The following TCF4 variants were observed in gnomAD, a reference collection of about 807,000 sequenced individuals.
The protein encoded by TCF4 is transcription factor 4, also known as SL3-3 enhancer factor 2.
A neutral mutation model predicts 82.1 loss-of-function variants in TCF4; 3 were observed. That is an observed-to-expected ratio of 0.04 (90% CI 0.02 to 0.09). The LOEUF (loss-of-function observed/expected upper bound fraction) is 0.09, where lower values mean the gene tolerates loss of function less well. Ranked by LOEUF, TCF4 falls within the 10% of genes least tolerant of loss-of-function variation. The probability of loss-of-function intolerance (pLI) is 1.00; values close to 1 mark genes in which losing one functional copy is unlikely to be tolerated. For synonymous variants in TCF4, 276 were observed against 309.6 expected (o/e 0.89, Z 1.14); for missense variants, 518 against 852.7 (o/e 0.61, Z 4.89).
chr18:55,614,643 A>G (rs545591545), intron 2 of TCF4, among the ~76,000 whole-genome samples: 3 of 152,272 alleles, frequency 2.0e-5, no homozygotes, highest in South Asian at 2.1e-4. Context: ...AGTACTGTAT[A>G]TATTCTGGAC....
chr18:55,596,095 T>C (rs2097690659), intron 2 of TCF4: 1 of 438,524 alleles, frequency 2.3e-6, no homozygotes, highest in Non-Finnish European at 4.6e-6. Context: ...TAGCCTCGAG[T>C]GATGACTCAC....
chr18:55,292,613 TTAAAG>T (rs1348141080), intron 8 of TCF4, among the ~76,000 whole-genome samples: 1 of 152,150 alleles, frequency 6.6e-6, no homozygotes, highest in African/African-American at 2.4e-5. Flanking sequence ...GAAACATTCA[TTAAAG>T]TAGATAGTTC....
chr18:55,322,104 CCT>C (rs2075683291), intron 8 of TCF4: 4 of 980,988 alleles, frequency 4.1e-6, no homozygotes, highest in Non-Finnish European at 4.9e-6. Context: ...TTTTTTTTTT[CCT>C]TTTTTTTTTT....
intron 3 of TCF4, among the ~76,000 whole-genome samples, chr18:55,544,791 T>G (rs2097191776): frequency 1.3e-5 from 2 of 152,224 alleles, no homozygotes; most frequent in South Asian, 4.1e-4. Flanking sequence ...GAAACCAACA[T>G]GCACACCTAC....
chr18:55,403,609 A>C, intron 5 of TCF4, 91 bp from the exon 6 acceptor site: 1 of 1,612,290 alleles, frequency 6.2e-7, no homozygotes, highest in Non-Finnish European at 8.5e-7. Flanking sequence ...CTCTTCCCCG[A>C]TGTTTACATA....
chr18:55,369,352 C>A (rs1443094383), intron 6 of TCF4, among the ~76,000 whole-genome samples: 1 of 152,112 alleles, frequency 6.6e-6, no homozygotes, highest in Non-Finnish European at 1.5e-5. Flanking sequence ...TTTTAAACTG[C>A]CATAGAGACA....
intron 8 of TCF4, among the ~76,000 whole-genome samples, chr18:55,324,804 G>C (rs528958693): frequency 6.6e-6 from 1 of 152,140 alleles, no homozygotes; most frequent in African/African-American, 2.4e-5. Context: ...GACACTGGGG[G>C]TAGGCAATGA....
At chr18:55,427,592 T>C (rs975595164) in intron 5 of TCF4, among the ~76,000 whole-genome samples, 1 of 152,166 alleles carries the variant, frequency 6.6e-6, no homozygotes, top group African/African-American at 2.4e-5. Flanking sequence ...TTCTCATCAA[T>C]GAAATAGGAC....
At chr18:55,302,653 C>CT in intron 8 of TCF4, 2 of 1,479,196 alleles carry the variant, frequency 1.4e-6, no homozygotes, top group Non-Finnish European at 1.8e-6. Context: ...GCTGTGAGGC[C>CT]TGTGGCTGGC....
At chr18:55,386,546 GACT>G (rs1470271935) in intron 6 of TCF4, among the ~76,000 whole-genome samples, 6 of 152,046 alleles carry the variant, frequency 3.9e-5, no homozygotes, top group Non-Finnish European at 8.8e-5. Flanking sequence ...CTAGTTTATT[GACT>G]ACAACCTTTC....
intron 5 of TCF4, chr18:55,422,143 A>C (rs1408151767): frequency 6.5e-6 from 6 of 922,840 alleles, no homozygotes; most frequent in African/African-American, 2.0e-5. Flanking sequence ...AAAAAAAAAA[A>C]AAAAACCCAC....
chr18:55,341,398 T>C lies in TCF4; in HGVS notation c.549+8961A>G, dbSNP rs189317017. On this transcript the variant is annotated intron_variant, in intron 8 of 19. Coordinates refer to ENST00000354452, the MANE Select transcript of TCF4 (RefSeq NM_001083962.2). ...GCAAATGATGTAATAGTGTACCACT[T>C]AGAACATGGAATAAGTACTCTGGCA... Among the ~76,000 whole-genome samples the C allele has an allele frequency of 3.8e-3, 581 of 152,326 alleles. 4 individuals are homozygous for C. The highest frequency in any genetic ancestry group is 5.5e-3 in the Non-Finnish European group (373 of 68,038).
intron 2 of TCF4, among the ~76,000 whole-genome samples, chr18:55,595,216 GA>G (rs1365069161): frequency 6.6e-6 from 1 of 152,176 alleles, no homozygotes; most frequent in African/African-American, 2.4e-5. Flanking sequence ...GATTGTCAAA[GA>G]TGCGTTTTTC....
At chr18:55,348,008 T>TA (rs1233528802) in intron 8 of TCF4, among the ~76,000 whole-genome samples, 2 of 152,122 alleles carry the variant, frequency 1.3e-5, no homozygotes, top group Non-Finnish European at 1.5e-5. Context: ...ATTTGAGCTT[T>TA]AAAAAAAGCA....
At chr18:55,537,125 C>A in intron 3 of TCF4, among the ~76,000 whole-genome samples, 1 of 143,986 alleles carries the variant, frequency 6.9e-6, no homozygotes, top group East Asian at 2.0e-4. Context: ...CAGAGCGAGA[C>A]TCCGTCTCGG....
At chr18:55,355,724 A>T (rs2083354584) in intron 6 of TCF4, among the ~76,000 whole-genome samples, 1 of 152,200 alleles carries the variant, frequency 6.6e-6, no homozygotes, top group African/African-American at 2.4e-5. Flanking sequence ...GGACTTGGGT[A>T]ACTTACAAAG....
intron 2 of TCF4, among the ~76,000 whole-genome samples, chr18:55,621,204 T>C (rs928596938): frequency 1.3e-5 from 2 of 151,116 alleles, no homozygotes; most frequent in Non-Finnish European, 1.5e-5. Flanking sequence ...ATCTAGAAAA[T>C]GGGGATAATT....
Position 55,325,519 on chromosome 18 carries a change from T to C in TCF4, c.549+24840A>G, listed in dbSNP as rs183631492. Among the ~76,000 whole-genome samples the C allele has an allele frequency of 2.6e-5, 4 of 152,316 alleles. No individual in the cohort carries two copies. The East Asian group carries it at 7.7e-4, about 29-fold the overall frequency. ...ACATCTACACACACACAAACTGCCCTGCATATTGCAGTGTAAGGCAGGCAA... is the reference window on the plus strand; with the variant it reads ...ACATCTACACACACACAAACTGCCCCGCATATTGCAGTGTAAGGCAGGCAA... On this transcript the variant is annotated intron_variant, in intron 8 of 19. Transcript: ENST00000354452.
intron 3 of TCF4, among the ~76,000 whole-genome samples, chr18:55,513,094 A>G (rs1276108797): frequency 6.6e-6 from 1 of 152,104 alleles, no homozygotes; most frequent in Non-Finnish European, 1.5e-5. Context: ...TCAGGGTGTA[A>G]TTCTCCTAAT....
Sources: gnomAD v4.1 joint callset for allele counts (sites outside exome capture counted in the v4.1 genomes callset) on GRCh38, gnomAD v4.1.1 for gene constraint, MANE v1.5 for transcripts, NCBI Gene and HGNC (gene_info 2026-07-23, HGNC 2026-07-21) for gene names.